Variants in DMAC2L observed in about 807,000 individuals in gnomAD.
DMAC2L encodes the protein ATP synthase subunit s, mitochondrial.
DMAC2L carries 21 observed loss-of-function variants against 22.5 expected under a neutral mutation model. The ratio of observed to expected loss-of-function variants is 0.93; its 90% CI spans 0.66 to 1.34. The LOEUF (loss-of-function observed/expected upper bound fraction) is 1.34, where lower values mean the gene tolerates loss of function less well. Ranked by LOEUF, DMAC2L falls within the 40% of genes most tolerant of loss-of-function variation. The pLI, the probability that DMAC2L is intolerant of heterozygous loss-of-function variation, is 0.00. For missense variants in DMAC2L, 239 were observed against 246.5 expected, an observed-to-expected ratio of 0.97 and a Z score of 0.20; for synonymous variants, 86 against 89.5, an observed-to-expected ratio of 0.96 and a Z score of 0.22.
chr14:50,321,199 T>C (rs1473969198), intron 2 of DMAC2L: 2 of 228,096 alleles, frequency 8.8e-6, no homozygotes, highest in Admixed American at 5.6e-5. Flanking sequence ...GAATGGACAC[T>C]AGATGGCAGT....
Position 50,326,849 on chromosome 14 carries a change from T to G in DMAC2L, c.*1126T>G, listed in dbSNP as rs1165086705. 6 of 763,744 alleles carry G rather than the reference T, an allele frequency of 7.9e-6. No homozygotes were observed. The highest frequency in any genetic ancestry group is 9.6e-6 in the Non-Finnish European group (6 of 628,140). 47.3% of individuals were successfully genotyped at this position (763,744 alleles called of 1,614,324 possible). A position where few individuals can be genotyped will look rare whatever the true frequency, so the allele number is the denominator to read the frequency against. On this transcript the variant is annotated 3_prime_UTR_variant, in exon 6 of 6. Transcript: ENST00000557421. Reference sequence around the variant, plus strand: ...TGAGACCAGGAGTTTGAGACCAATTTGGGCAACACAGTGAGACCCCATCTC... The same window carrying G: ...TGAGACCAGGAGTTTGAGACCAATTGGGGCAACACAGTGAGACCCCATCTC...
At chr14:50,312,809 G>C (rs2031368795) in intron 1 of DMAC2L, 2 of 571,282 alleles carry the variant, frequency 3.5e-6, no homozygotes, top group South Asian at 4.3e-5. Context: ...CTTTGTCACA[G>C]CGAAGACTGA....
intron 1 of DMAC2L, among the ~76,000 whole-genome samples, chr14:50,313,717 T>C (rs941950680): frequency 6.6e-6 from 1 of 152,198 alleles, no homozygotes; most frequent in Non-Finnish European, 1.5e-5. Context: ...ATTCACACAA[T>C]CCATTGATCT....
At position 50,312,324 on chromosome 14, in the gene DMAC2L, G is replaced by A. The variant is rs949326729; in HGVS notation, c.-107G>A. 6.9e-6 allele frequency: 6 copies of A among 874,770 alleles called. No individual in the cohort carries two copies. The highest frequency in any genetic ancestry group is 2.6e-5 in the Admixed American group (1 of 39,202). The allele number at this position is 874,770 out of a possible 1,614,324, so 54.2% of individuals were successfully genotyped here. On this transcript the variant is annotated 5_prime_UTR_variant, in exon 1 of 6. Coordinates refer to ENST00000557421, the MANE Select transcript of DMAC2L (RefSeq NM_001382507.1). ...ATAGGCGCGCGCGTCGGAGGGCGAA[G>A]GGCCGGCCAGGGTGCCGCAGACGCG...
At position 50,325,877 on chromosome 14, in the gene DMAC2L, G is replaced by T; in HGVS notation, c.*154G>T. ...ATCATATGTAGAAAATAAATATTCAGACGTGGCTCATTAATGTTACTAAGT... is the reference window on the plus strand; with the variant it reads ...ATCATATGTAGAAAATAAATATTCATACGTGGCTCATTAATGTTACTAAGT... On this transcript the variant is annotated 3_prime_UTR_variant, in exon 6 of 6. Transcript: ENST00000557421. 1 of 1,300,692 alleles carries T rather than the reference G, an allele frequency of 7.7e-7. No individual in the cohort carries two copies. Among genetic ancestry groups the T allele is most frequent in the South Asian group, 1.9e-5 (1 of 51,868 alleles). The allele number at this position is 1,300,692 out of a possible 1,614,324, so 80.6% of individuals were successfully genotyped here. A position where few individuals can be genotyped will look rare whatever the true frequency, so the allele number is the denominator to read the frequency against.
chr14:50,317,965 G>C (rs900138733), intron 2 of DMAC2L, among the ~76,000 whole-genome samples: 2 of 152,084 alleles, frequency 1.3e-5, no homozygotes, highest in African/African-American at 4.8e-5. Context: ...AGGGATGCTG[G>C]ATTTTGTCAA....
At chr14:50,317,370 G>T (rs1230504176) in intron 2 of DMAC2L, among the ~76,000 whole-genome samples, 1 of 152,122 alleles carries the variant, frequency 6.6e-6, no homozygotes, top group African/African-American at 2.4e-5. Context: ...CATATCATTA[G>T]CAAATAGCAA....
At chr14:50,311,622 TATAA>T (rs919565578), upstream of DMAC2L, among the ~76,000 whole-genome samples, 1 of 152,204 alleles carries the variant, frequency 6.6e-6, no homozygotes, top group African/African-American at 2.4e-5. Flanking sequence ...GACTCCAGCT[TATAA>T]AGAGCATATT....
At chr14:50,312,488 C>G (rs1331451089) in intron 1 of DMAC2L, 99 bp downstream of exon 1, 2 of 410,162 alleles carry the variant, frequency 4.9e-6, no homozygotes, top group Non-Finnish European at 8.9e-6. Flanking sequence ...AAAACCTGGC[C>G]CTTTGGGTCG....
rs1399457635 is a variant in DMAC2L, at chr14:50,319,142, A to G, written c.-5-2341A>G. 6.6e-6 allele frequency: 10 copies of G among 1,520,380 alleles called. 1 individual carries two copies. The highest frequency in any genetic ancestry group is 4.9e-5 in the East Asian group (2 of 40,564). The allele number at this position is 1,520,380 out of a possible 1,614,324, so 94.2% of individuals were successfully genotyped here. On this transcript the variant is annotated intron_variant, in intron 2 of 5. Transcript: ENST00000557421. ...GCCTGAGTAGAAGCTGGGAAAGCCC[A>G]TATTTGTAAATAAGATTGACAACTA...
intron 2 of DMAC2L, among the ~76,000 whole-genome samples, chr14:50,315,683 A>G (rs1595185135): frequency 6.6e-6 from 1 of 151,602 alleles, no homozygotes; most frequent in South Asian, 2.1e-4. Context: ...AAAAAAAAAA[A>G]AAAAAAGAGT....
upstream of DMAC2L, chr14:50,312,107 G>A (rs768340974): frequency 6.2e-7 from 1 of 1,608,798 alleles, no homozygotes; most frequent in Admixed American, 1.7e-5. Flanking sequence ...AAGCCCGCGG[G>A]CCCGTCCGCA....
At chr14:50,322,354 G>A (rs1295135272) in intron 3 of DMAC2L, among the ~76,000 whole-genome samples, 157 bp from the exon 4 acceptor site, 2 of 99,098 alleles carry the variant, frequency 2.0e-5, no homozygotes, top group Non-Finnish European at 4.5e-5. Context: ...TTTTGTTTTT[G>A]TTTTTGTTTT....
intron 2 of DMAC2L, among the ~76,000 whole-genome samples, chr14:50,315,099 T>G (rs1031723625): frequency 1.3e-5 from 2 of 152,040 alleles, no homozygotes; most frequent in Non-Finnish European, 2.9e-5. Context: ...CCTGAGTAGC[T>G]GGGACTATAG....
chr14:50,312,012 T>C (rs1238960905), upstream of DMAC2L: 1 of 1,563,066 alleles, frequency 6.4e-7, no homozygotes, highest in Admixed American at 1.9e-5. Context: ...GCCACTCACC[T>C]GGTGCTGGCG....
chr14:50,316,530 TTAGATG>T (rs1465615074), intron 2 of DMAC2L, among the ~76,000 whole-genome samples: 1 of 152,270 alleles, frequency 6.6e-6, no homozygotes, highest in Non-Finnish European at 1.5e-5. Context: ...GTTTCAGGTC[TTAGATG>T]TAAGTCCCTG....
At chr14:50,322,378 T>C in intron 3 of DMAC2L, 133 bp from the exon 4 acceptor site, 1 of 883,508 alleles carries the variant, frequency 1.1e-6, no homozygotes, top group Non-Finnish European at 1.5e-6. Flanking sequence ...TGCATGGATC[T>C]CACTAATTTA....
chr14:50,319,009 A>AT (rs1347194103), intron 2 of DMAC2L: 1 of 985,270 alleles, frequency 1.0e-6, no homozygotes, highest in Non-Finnish European at 1.2e-6. Flanking sequence ...TTCAATAAAC[A>AT]TTTTTTGAGC....
chr14:50,320,636 T>A (rs1401385209), intron 2 of DMAC2L, among the ~76,000 whole-genome samples: 1 of 152,244 alleles, frequency 6.6e-6, no homozygotes, highest in Non-Finnish European at 1.5e-5. Flanking sequence ...GAGGCATTTA[T>A]CAAGTTCTGT....
Sources: gnomAD v4.1 joint callset for allele counts (sites outside exome capture counted in the v4.1 genomes callset) on GRCh38, gnomAD v4.1.1 for gene constraint, MANE v1.5 for transcripts, NCBI Gene and HGNC (gene_info 2026-07-23, HGNC 2026-07-21) for gene names.